SSBP2: variants seen among roughly 807,000 people sequenced by gnomAD.
SSBP2 encodes the protein single-stranded DNA-binding protein 2.
A neutral mutation model predicts 61.8 loss-of-function variants in SSBP2; 17 were observed. That is an observed-to-expected ratio of 0.28 (90% CI 0.19 to 0.41). The LOEUF is 0.41. Among genes scored for constraint, SSBP2 ranks in the 10% least tolerant of loss-of-function variants. SSBP2 has a pLI of 1.00. For synonymous variants in SSBP2, 139 were observed against 141.3 expected, an observed-to-expected ratio of 0.98 and a Z score of 0.12; for missense variants, 310 against 458.7, an observed-to-expected ratio of 0.68 and a Z score of 2.96.
intron 4 of SSBP2, among the ~76,000 whole-genome samples, chr5:81,514,816 G>A (rs2154084980): frequency 6.6e-6 from 1 of 152,060 alleles, no homozygotes; most frequent in South Asian, 2.1e-4. Context: ...AGTACTGACA[G>A]TTGTTAATAA....
At chr5:81,630,454 A>G (rs1448998991) in intron 3 of SSBP2, among the ~76,000 whole-genome samples, 1 of 152,210 alleles carries the variant, frequency 6.6e-6, no homozygotes, top group Non-Finnish European at 1.5e-5. Context: ...AAAACTATTA[A>G]GAATCATTGA....
At chr5:81,637,854 G>A (rs992681667) in intron 2 of SSBP2, among the ~76,000 whole-genome samples, 7 of 152,096 alleles carry the variant, frequency 4.6e-5, no homozygotes, top group East Asian at 1.9e-4. Flanking sequence ...GAACCAACCC[G>A]AATGTCCAAC....
intron 4 of SSBP2, among the ~76,000 whole-genome samples, chr5:81,594,399 T>C (rs1195941592): frequency 4.6e-5 from 7 of 152,158 alleles, no homozygotes; most frequent in African/African-American, 7.2e-5. Flanking sequence ...AATGGGAGAC[T>C]TTAACACCCC....
intron 1 of SSBP2, among the ~76,000 whole-genome samples, chr5:81,735,386 C>T (rs143330737): frequency 1.3e-5 from 2 of 151,696 alleles, no homozygotes; most frequent in African/African-American, 4.8e-5. Context: ...CCAGGGTCAC[C>T]CCCCACCCAC....
intron 4 of SSBP2, among the ~76,000 whole-genome samples, chr5:81,597,388 G>A (rs972288742): frequency 1.3e-5 from 2 of 152,132 alleles, no homozygotes; most frequent in Non-Finnish European, 1.5e-5. Flanking sequence ...GGAGAAATAG[G>A]GACACTTTTA....
intron 1 of SSBP2, among the ~76,000 whole-genome samples, chr5:81,720,220 C>T (rs1755454988): frequency 6.6e-6 from 1 of 152,092 alleles, no homozygotes; most frequent in Admixed American, 6.6e-5. Flanking sequence ...CCAGAATTTC[C>T]CTAAATTAAA....
At chr5:81,545,452 A>G (rs1771658477) in intron 4 of SSBP2, among the ~76,000 whole-genome samples, 1 of 152,224 alleles carries the variant, frequency 6.6e-6, no homozygotes. Flanking sequence ...AGTAGTAGTA[A>G]TACTAACAAT....
chr5:81,674,484 A>G (rs952639734), intron 1 of SSBP2, among the ~76,000 whole-genome samples: 1 of 152,194 alleles, frequency 6.6e-6, no homozygotes, highest in African/African-American at 2.4e-5. Flanking sequence ...AATTGACTCA[A>G]TGACAGTTGG....
chr5:81,653,261 T>G (rs1328471493), intron 1 of SSBP2, among the ~76,000 whole-genome samples: 1 of 152,194 alleles, frequency 6.6e-6, no homozygotes, highest in Admixed American at 6.5e-5. Flanking sequence ...ACCATGTCCC[T>G]GCAAAAGACA....
At chr5:81,546,095 A>G (rs10942267) in intron 4 of SSBP2, among the ~76,000 whole-genome samples, 50,609 of 151,990 alleles carry the variant, frequency 0.33, 8,854 homozygotes, top group African/African-American at 0.45. Context: ...AATGGCTATC[A>G]TTTATTAATC....
At chr5:81,591,317 C>T (rs1409686547) in intron 4 of SSBP2, among the ~76,000 whole-genome samples, 2 of 152,148 alleles carry the variant, frequency 1.3e-5, no homozygotes, top group African/African-American at 2.4e-5. Flanking sequence ...GGAGGCATGC[C>T]AATCACTAGG....
chr5:81,625,238 C>T (rs917661220), intron 3 of SSBP2, among the ~76,000 whole-genome samples: 12 of 152,104 alleles, frequency 7.9e-5, no homozygotes, highest in African/African-American at 1.9e-4. Flanking sequence ...GTGCTTGGGT[C>T]GAGGGATTTT....
chr5:81,476,020 C>T (rs1765564819), intron 6 of SSBP2, among the ~76,000 whole-genome samples: 2 of 152,020 alleles, frequency 1.3e-5, no homozygotes, highest in African/African-American at 2.4e-5. Flanking sequence ...TACCTTGACT[C>T]GGATTGCCAA....
At chr5:81,482,279 G>T (rs1766049867) in intron 6 of SSBP2, among the ~76,000 whole-genome samples, 1 of 152,078 alleles carries the variant, frequency 6.6e-6, no homozygotes, top group South Asian at 2.1e-4. Context: ...GGATTTTTCA[G>T]AATGGTACAT....
chr5:81,457,582 A>G (rs1028247987), intron 10 of SSBP2, among the ~76,000 whole-genome samples: 3 of 152,196 alleles, frequency 2.0e-5, no homozygotes, highest in Non-Finnish European at 4.4e-5. Context: ...CACCACCTTA[A>G]CTAAATGATC....
chr5:81,622,171 T>A (rs1248418630), intron 3 of SSBP2, among the ~76,000 whole-genome samples: 1 of 150,836 alleles, frequency 6.6e-6, no homozygotes, highest in African/African-American at 2.5e-5. Context: ...TTTTCTCCTA[T>A]TCAAGAACAG....
At chr5:81,506,822 C>A (rs1331443311) in intron 5 of SSBP2, among the ~76,000 whole-genome samples, 1 of 151,996 alleles carries the variant, frequency 6.6e-6, no homozygotes, top group Non-Finnish European at 1.5e-5. Flanking sequence ...TTAACCAGGA[C>A]TTATAAAACC....
At chr5:81,563,651 A>G (rs1773213767) in intron 4 of SSBP2, among the ~76,000 whole-genome samples, 1 of 152,212 alleles carries the variant, frequency 6.6e-6, no homozygotes, top group Non-Finnish European at 1.5e-5. Context: ...AGAATATACA[A>G]TAGGGAAAGA....
At chr5:81,555,088 G>A (rs1229652697) in intron 4 of SSBP2, among the ~76,000 whole-genome samples, 2 of 151,898 alleles carry the variant, frequency 1.3e-5, no homozygotes, top group African/African-American at 2.4e-5. Context: ...GATTATTTTT[G>A]ACCAAATAAA....
Sources: gnomAD v4.1 joint callset for allele counts (sites outside exome capture counted in the v4.1 genomes callset) on GRCh38, gnomAD v4.1.1 for gene constraint, MANE v1.5 for transcripts, NCBI Gene and HGNC (gene_info 2026-07-23, HGNC 2026-07-21) for gene names.